Variants in LTN1 observed in about 807,000 individuals in gnomAD.
LTN1 encodes listerin E3 ubiquitin protein ligase 1.
Under a neutral mutation model 201.2 loss-of-function variants are expected in LTN1, and 88 were observed. The observed-to-expected ratio is 0.44, with a 90% confidence interval of 0.37 to 0.52. LTN1 has a LOEUF of 0.52. Ranked by LOEUF, LTN1 falls within the 20% of genes least tolerant of loss-of-function variation. LTN1 has a pLI of 0.00. For missense variants in LTN1, 1,752 were observed against 2,038.7 expected (o/e 0.86, Z 2.71); for synonymous variants, 645 against 713.5 (o/e 0.90, Z 1.53).
intron 8 of LTN1, among the ~76,000 whole-genome samples, chr21:28,970,207 T>G (rs552203083): frequency 5.3e-4 from 80 of 152,360 alleles, no homozygotes; most frequent in South Asian, 4.6e-3. Context: ...TTTCTGCATT[T>G]AGGCATTTGT....
chr21:28,941,429 C>A lies in LTN1; in HGVS notation c.4296-23G>T, dbSNP rs76584881. The A allele has an allele frequency of 1.5e-4, 225 of 1,537,986 alleles. 1 individual carries two copies. The African/African-American group carries it at 2.7e-3, about 18-fold the overall frequency. On this transcript the variant is annotated intron_variant, in intron 24 of 29. Coordinates refer to ENST00000361371, the MANE Select transcript of LTN1 (RefSeq NM_015565.3). ...GACCTAAGAATCAATGATTAAACACCACAAGTTTTCTTTATAATTCATTCC... is the reference window on the plus strand; with the variant it reads ...GACCTAAGAATCAATGATTAAACACAACAAGTTTTCTTTATAATTCATTCC...
chr21:28,972,698 A>G (rs527748104), intron 6 of LTN1, among the ~76,000 whole-genome samples: 23 of 152,330 alleles, frequency 1.5e-4, no homozygotes, highest in East Asian at 5.8e-4. Flanking sequence ...GTGAGGCTTA[A>G]TATCTATTTA....
intron 19 of LTN1, 148 bp from the exon 20 acceptor site, chr21:28,946,435 A>G (rs2084338627): frequency 3.8e-6 from 2 of 528,342 alleles, no homozygotes; most frequent in Non-Finnish European, 6.4e-6. Flanking sequence ...AGAGTCAACA[A>G]ATGAGCTTAT....
At chr21:28,964,712 A>G (rs1305112480) in intron 11 of LTN1, 2 of 1,550,510 alleles carry the variant, frequency 1.3e-6, no homozygotes, top group Non-Finnish European at 1.7e-6. Flanking sequence ...CTGCTCAGGA[A>G]GAGGATTTTC....
chr21:28,946,319 T>A, intron 19 of LTN1, 32 bp from the exon 20 acceptor site: 1 of 1,473,166 alleles, frequency 6.8e-7, no homozygotes, highest in South Asian at 1.3e-5. Context: ...AAATTAAAAA[T>A]ATTTAAGAAC....
chr21:28,950,894 T>C (rs926773835), intron 18 of LTN1, among the ~76,000 whole-genome samples: 20 of 152,056 alleles, frequency 1.3e-4, no homozygotes, highest in African/African-American at 4.8e-4. Flanking sequence ...ATTAGGACAA[T>C]GGGAAGGGGA....
chr21:28,948,270 CTT>C (rs869195177), intron 18 of LTN1, among the ~76,000 whole-genome samples: 2 of 126,648 alleles, frequency 1.6e-5, no homozygotes, highest in Non-Finnish European at 3.4e-5. Context: ...TCTTTTCTTT[CTT>C]TTTTTTTTTT....
intron 1 of LTN1, among the ~76,000 whole-genome samples, chr21:28,990,439 T>C (rs1005202248): frequency 1.2e-4 from 18 of 152,224 alleles, no homozygotes; most frequent in Non-Finnish European, 2.2e-4. Flanking sequence ...TTTTCATGAT[T>C]AAGCATAAGT....
Position 28,944,431 on chromosome 21 carries a change from A to G in LTN1, c.3934T>C (p.Ser1312Pro). Reference sequence around the variant, plus strand: ...AAAAGCAAACTGTGGATGCCTTGGGAAAAAAATTCTTTCCATTCACTGATT... The same window carrying G: ...AAAAGCAAACTGTGGATGCCTTGGGGAAAAAATTCTTTCCATTCACTGATT... The part of the protein sequence containing the change: ...NLISEWKEFF[S>P]QGIHSLLLPI... The change falls in exon 22 of 30, where the codon TCC becomes CCC. Residue 1312 changes from serine (S) to proline (P), a missense_variant. Physicochemically the swap from Ser to Pro is moderately conservative, Grantham distance 74 (BLOSUM62 -1). Transcript: ENST00000361371. 2 of 1,613,814 alleles carry G rather than the reference A, an allele frequency of 1.2e-6. No individual in the cohort carries two copies. The highest frequency in any genetic ancestry group is 2.2e-5 in the East Asian group (1 of 44,870).
chr21:28,986,664 T>G lies in LTN1; in HGVS notation c.246+67A>C. 8.2e-7 allele frequency: 1 copy of G among 1,220,094 alleles called. No homozygotes were observed. Among genetic ancestry groups the G allele is most frequent in the Non-Finnish European group, 1.2e-6 (1 of 839,456 alleles). The allele number at this position is 1,220,094 out of a possible 1,614,324, so 75.6% of individuals were successfully genotyped here. A position where few individuals can be genotyped will look rare whatever the true frequency, so the allele number is the denominator to read the frequency against. On this transcript the variant is annotated intron_variant, in intron 2 of 29. Coordinates refer to ENST00000361371, the MANE Select transcript of LTN1 (RefSeq NM_015565.3). The surrounding 1 kb of genome is among the most constrained non-coding windows in gnomAD (Gnocchi z 4.1). ...TGTTCATTTTTCTTTACATAAAACATGCTAATGACATTTTATTTTAACAAA... is the reference window on the plus strand; with the variant it reads ...TGTTCATTTTTCTTTACATAAAACAGGCTAATGACATTTTATTTTAACAAA...
intron 15 of LTN1, 129 bp from the exon 16 acceptor site, chr21:28,957,077 A>G (rs2084431593): frequency 4.3e-6 from 3 of 698,694 alleles, no homozygotes; most frequent in Admixed American, 3.2e-5. Flanking sequence ...CTTTTACAGG[A>G]AATTATCAAC....
intron 5 of LTN1, among the ~76,000 whole-genome samples, 169 bp from the exon 6 acceptor site, chr21:28,981,468 A>C (rs1018064825): frequency 9.2e-5 from 14 of 152,194 alleles, no homozygotes; most frequent in Non-Finnish European, 1.8e-4. Flanking sequence ...ATACAAAGAA[A>C]TTTAATCACA....
rs1437617159 is a variant in LTN1 at position 28,941,375 on chromosome 21, T to C, written c.4327A>G (p.Ser1443Gly). The C allele has an allele frequency of 6.2e-7, 1 of 1,613,046 alleles. No homozygotes were observed. Among genetic ancestry groups the C allele is most frequent in the East Asian group, 2.2e-5 (1 of 44,798 alleles). ...TTTTCTAGTAAGTCCTCTTGAATGCTAAGAAGAGACATCAGTGCTGCTGGT... is the reference window on the plus strand; with the variant it reads ...TTTTCTAGTAAGTCCTCTTGAATGCCAAGAAGAGACATCAGTGCTGCTGGT... ...SPPAALMSLL[S>G]IQEDLLENVL... Residue 1443 changes from serine (S) to glycine (G), a missense_variant, in exon 25 of 30, where the codon AGC (serine) becomes GGC (glycine). This residue lies in a region of LTN1 where 1,211 missense variants were observed against 1,312.8 expected (regional missense o/e 0.92). Coordinates refer to ENST00000361371, the MANE Select transcript of LTN1 (RefSeq NM_015565.3).
At position 28,941,377 on chromosome 21, in the gene LTN1, A is replaced by C. The variant is rs577333620; in HGVS notation, c.4325T>G (p.Leu1442Arg). ...TTCTAGTAAGTCCTCTTGAATGCTA[A>C]GAAGAGACATCAGTGCTGCTGGTGG... ...LSPPAALMSL[L>R]SIQEDLLENV... The change falls in exon 25 of 30, where the codon CTT becomes CGT. Residue 1442 changes from leucine (L) to arginine (R), a missense_variant. Physicochemically the swap from Leu to Arg is moderately radical, Grantham distance 102 (BLOSUM62 -2). Coordinates refer to ENST00000361371, the MANE Select transcript of LTN1 (RefSeq NM_015565.3). The C allele has an allele frequency of 3.1e-6, 5 of 1,612,984 alleles. No individual in the cohort carries two copies. The South Asian group carries it at 5.5e-5, about 18-fold the overall frequency.
intron 25 of LTN1, 60 bp from the exon 26 acceptor site, chr21:28,936,757 G>T (rs2084260146): frequency 3.8e-6 from 5 of 1,329,472 alleles, no homozygotes; most frequent in Non-Finnish European, 5.3e-6. Flanking sequence ...TGGTATAAAA[G>T]AACAACTCAA....
rs781372185 is a variant in LTN1 at position 28,985,658 on chromosome 21, C to CT, written c.345+480dup. Among the ~76,000 whole-genome samples the CT allele has an allele frequency of 8.5e-3, 1,159 of 137,078 alleles. 11 individuals carry two copies. Among genetic ancestry groups the CT allele is most frequent in the African/African-American group, 0.025 (934 of 37,354 alleles). 89.9% of individuals were successfully genotyped at this position (137,078 alleles called of 152,430 possible). A position where few individuals can be genotyped will look rare whatever the true frequency, so the allele number is the denominator to read the frequency against. ...TCTTCATAACCCAACACAATCCAATCTTTTTTTTTTTTTTTTTTAAAGACA... is the reference window on the plus strand; with the variant it reads ...TCTTCATAACCCAACACAATCCAATCTTTTTTTTTTTTTTTTTTTAAAGACA... On this transcript the variant is annotated intron_variant, in intron 3 of 29. Coordinates refer to ENST00000361371, the MANE Select transcript of LTN1 (RefSeq NM_015565.3).
intron 8 of LTN1, among the ~76,000 whole-genome samples, chr21:28,970,124 GTTTT>G (rs1220914530): frequency 1.3e-5 from 2 of 152,106 alleles, no homozygotes; most frequent in African/African-American, 4.8e-5. Context: ...TACTGAAACA[GTTTT>G]TTTAAGTGTG....
rs144632963 is a variant in LTN1, at chr21:28,944,528, A to G, written c.3837T>C (p.Asp1279=). 1.9e-5 allele frequency: 31 copies of G among 1,613,980 alleles called. No individual in the cohort carries two copies. In the East Asian group the frequency reaches 6.9e-4, roughly 36 times the overall value. The change falls in exon 22 of 30, where the codon GAT becomes GAC. Residue 1279 remains aspartate, a synonymous_variant. Transcript: ENST00000361371. Reference sequence around the variant, plus strand: ...AGAAAGCACTGAGGTCACAGGCCAAATCACAGCTGACACAGGCAAACAGTT... The same window carrying G: ...AGAAAGCACTGAGGTCACAGGCCAAGTCACAGCTGACACAGGCAAACAGTT... The part of the protein sequence containing the change: ...LVQLFACVSC[D]LACDLSAFFD...
chr21:28,947,442 T>C (rs2084346519), intron 19 of LTN1, 22 bp downstream of exon 19: 2 of 1,492,314 alleles, frequency 1.3e-6, no homozygotes. Context: ...ATTAATGAAA[T>C]ATTTATTATC....
Sources: allele counts gnomAD v4.1 joint callset (sites outside exome capture counted in the v4.1 genomes callset), GRCh38; gene constraint gnomAD v4.1.1; regional missense constraint gnomAD v4.1.1; non-coding constraint Gnocchi (gnomAD v3.1); transcripts MANE v1.5; gene names NCBI Gene and HGNC (gene_info 2026-07-23, HGNC 2026-07-21).